TIMM23: variants seen among roughly 807,000 people sequenced by gnomAD.
TIMM23 encodes translocase of inner mitochondrial membrane 23.
In TIMM23, 19 loss-of-function variants were observed where a neutral mutation model predicts 30.7. That is an observed-to-expected ratio of 0.62 (90% CI 0.43 to 0.91). TIMM23 has a LOEUF of 0.91. TIMM23 is among the 40% of genes least tolerant of loss of function. The probability of loss-of-function intolerance (pLI) is 0.00; values close to 1 mark genes in which losing one functional copy is unlikely to be tolerated. For missense variants in TIMM23, 202 were observed against 269.2 expected (o/e 0.75, Z 1.75); for synonymous variants, 78 against 98.5 (o/e 0.79, Z 1.23).
rs1554912590 is a variant in TIMM23 at position 45,974,545 on chromosome 10, G to A, written c.107-909G>A. Among the ~76,000 whole-genome samples, 720 of 152,294 alleles carry A rather than the reference G, an allele frequency of 4.7e-3. 5 individuals are homozygous for A. The highest frequency in any genetic ancestry group is 0.019 in the East Asian group (97 of 5,186). On this transcript the variant is annotated intron_variant, in intron 1 of 6. Transcript: ENST00000580018. ...GAAGTTTGTGAAATCAGAGAGGTAGGGAATGACAGCTAATGTAGGATTTTG... is the reference window on the plus strand; with the variant it reads ...GAAGTTTGTGAAATCAGAGAGGTAGAGAATGACAGCTAATGTAGGATTTTG...
chr10:45,987,695 C>T (rs1838033585), intron 5 of TIMM23, among the ~76,000 whole-genome samples: 1 of 143,616 alleles, frequency 7.0e-6, no homozygotes, highest in Admixed American at 7.3e-5. Flanking sequence ...CTCACTGCAA[C>T]CTAGACTTCT....
In TIMM23 at chr10:45,988,826, G is replaced by A. The variant is rs1838073138; in HGVS notation, c.493G>A (p.Gly165Ser). 6 of 1,613,282 alleles carry A rather than the reference G, an allele frequency of 3.7e-6. No homozygotes were observed. The highest frequency in any genetic ancestry group is 1.3e-5 in the African/African-American group (1 of 74,914). ...CACAGTAGCAGCTGGAACCATGACA[G>A]GCATGTTGTATAAATGTACAGGTGA... is the stretch of plus-strand genomic sequence containing the variant. Reference protein sequence around the residue: ...LNTVAAGTMTGMLYKCTGGLR... With the variant: ...LNTVAAGTMTSMLYKCTGGLR... The change falls in exon 6 of 7, where the codon GGC becomes AGC. Residue 165 changes from glycine to serine, a missense_variant. Transcript: ENST00000580018.
chr10:45,991,756 A>G (rs1838168590), intron 6 of TIMM23, among the ~76,000 whole-genome samples: 1 of 151,866 alleles, frequency 6.6e-6, no homozygotes, highest in Non-Finnish European at 1.5e-5. Context: ...TGTCTCAAAA[A>G]AAAAAAGAAA....
chr10:45,992,661 G>A (rs587693368), intron 6 of TIMM23: 144 of 390,744 alleles, frequency 3.7e-4, no homozygotes, highest in Non-Finnish European at 5.8e-4. Flanking sequence ...GGGTTCAAGC[G>A]ATTCTCCTGC....
At chr10:45,991,061 C>G (rs1193076221) in intron 6 of TIMM23, among the ~76,000 whole-genome samples, 1 of 152,218 alleles carries the variant, frequency 6.6e-6, no homozygotes, top group African/African-American at 2.4e-5. Context: ...CGTTGTCTTT[C>G]TCACCAAACC....
intron 6 of TIMM23, among the ~76,000 whole-genome samples, chr10:45,995,047 A>G (rs71250787): frequency 6.6e-6 from 1 of 150,902 alleles, no homozygotes; most frequent in Non-Finnish European, 1.5e-5. Context: ...GTGTGAGTCC[A>G]TGTTGGAATT....
intron 5 of TIMM23, among the ~76,000 whole-genome samples, chr10:45,988,194 CA>C (rs1838052918): frequency 6.6e-6 from 1 of 152,126 alleles, no homozygotes; most frequent in Non-Finnish European, 1.5e-5. Context: ...TGTGATTGGA[CA>C]AAAAGGGCAT....
At chr10:45,987,124 A>C (rs1838014120) in intron 5 of TIMM23, among the ~76,000 whole-genome samples, 1 of 151,920 alleles carries the variant, frequency 6.6e-6, no homozygotes, top group Non-Finnish European at 1.5e-5. Context: ...CTTGATGGGC[A>C]TTTTATTTGT....
At chr10:45,976,912 G>A (rs1209104852) in intron 2 of TIMM23, among the ~76,000 whole-genome samples, 4 of 152,208 alleles carry the variant, frequency 2.6e-5, no homozygotes, top group South Asian at 4.2e-4. Context: ...ACTAATGATC[G>A]AGTTCAGCAA....
intron 6 of TIMM23, among the ~76,000 whole-genome samples, chr10:46,002,052 C>G: frequency 6.6e-6 from 1 of 152,210 alleles, no homozygotes; most frequent in South Asian, 2.1e-4. Context: ...ATCTGTAATT[C>G]TTGAGTTCTT....
At chr10:45,991,443 A>G (rs1838159559) in intron 6 of TIMM23, among the ~76,000 whole-genome samples, 1 of 152,244 alleles carries the variant, frequency 6.6e-6, no homozygotes, top group African/African-American at 2.4e-5. Flanking sequence ...TGGTGAGGAA[A>G]AGGTTGAAAT....
chr10:45,988,246 C>T (rs1554915110), intron 5 of TIMM23, among the ~76,000 whole-genome samples: 5,351 of 152,292 alleles, frequency 0.035, 324 homozygotes, highest in African/African-American at 0.12. Context: ...CCCAGCAAGG[C>T]CTGCCTGCCC....
In TIMM23 at chr10:45,972,501, G is replaced by T; in HGVS notation, c.-124G>T. 1 of 1,428,312 alleles carries T rather than the reference G, an allele frequency of 7.0e-7. No homozygotes were observed. The highest frequency in any genetic ancestry group is 9.4e-7 in the Non-Finnish European group (1 of 1,069,144). 88.5% of individuals were successfully genotyped at this position (1,428,312 alleles called of 1,614,324 possible). On this transcript the variant is annotated 5_prime_UTR_variant, in exon 1 of 7. Coordinates refer to ENST00000580018, the MANE Select transcript of TIMM23 (RefSeq NM_006327.4). ...GGCGCTTAACGGGAACCGGCGCCCGGAAGGTCAGCGTGTGAAGTAGGCGCT... is the reference window on the plus strand; with the variant it reads ...GGCGCTTAACGGGAACCGGCGCCCGTAAGGTCAGCGTGTGAAGTAGGCGCT...
intron 5 of TIMM23, 29 bp downstream of exon 5, chr10:45,985,470 T>C (rs1837965213): frequency 1.2e-6 from 2 of 1,612,584 alleles, no homozygotes; most frequent in Non-Finnish European, 8.5e-7. Context: ...TGATAATAAA[T>C]TGTTAAAGAA....
At position 45,997,171 on chromosome 10, in the gene TIMM23, G is replaced by A. The variant is rs1355014200; in HGVS notation, c.515-6032G>A. ...GGGGAGGTCAAGGCTGCAGTGAGCC[G>A]TGATCATGCCACTGCACTCCAGCCT... is the stretch of plus-strand genomic sequence containing the variant. On this transcript the variant is annotated intron_variant, in intron 6 of 6. Transcript: ENST00000580018. Among the ~76,000 whole-genome samples, 9 of 151,796 alleles carry A rather than the reference G, an allele frequency of 5.9e-5. No homozygotes were observed. In the East Asian group the frequency reaches 1.4e-3, roughly 23 times the overall value.
intron 1 of TIMM23, among the ~76,000 whole-genome samples, chr10:45,974,065 A>C (rs1837586709): frequency 1.3e-5 from 2 of 152,082 alleles, no homozygotes; most frequent in Non-Finnish European, 2.9e-5. Flanking sequence ...TAAGATTTGA[A>C]GGTAAATTGG....
intron 1 of TIMM23, 81 bp from the exon 2 acceptor site, chr10:45,975,373 T>G (rs1207584582): frequency 7.9e-6 from 12 of 1,524,990 alleles, no homozygotes; most frequent in Non-Finnish European, 1.1e-5. Context: ...CAAACACATG[T>G]AACAGTCAGG....
At chr10:45,973,319 G>A (rs1837556423) in intron 1 of TIMM23, among the ~76,000 whole-genome samples, 1 of 152,168 alleles carries the variant, frequency 6.6e-6, no homozygotes, top group Non-Finnish European at 1.5e-5. Flanking sequence ...AAGGTATACA[G>A]AGGCATAAAT....
At chr10:45,982,781 A>G (rs1837885148) in intron 3 of TIMM23, 65 bp from the exon 4 acceptor site, 2 of 1,609,584 alleles carry the variant, frequency 1.2e-6, no homozygotes, top group Non-Finnish European at 8.5e-7. Context: ...GTAGTTATGC[A>G]GATTTGAGTT....
Sources: gnomAD v4.1 joint callset for allele counts (sites outside exome capture counted in the v4.1 genomes callset) on GRCh38, gnomAD v4.1.1 for gene constraint, MANE v1.5 for transcripts, NCBI Gene and HGNC (gene_info 2026-07-23, HGNC 2026-07-21) for gene names.